The following TUT4 variants were observed in gnomAD, a reference collection of about 807,000 sequenced individuals.
The protein encoded by TUT4 is terminal uridylyltransferase 4.
TUT4 carries 36 observed loss-of-function variants against 192.2 expected under a neutral mutation model. The observed-to-expected ratio is 0.19, with a 90% CI of 0.14 to 0.25. The LOEUF (loss-of-function observed/expected upper bound fraction) is 0.25, where lower values mean the gene tolerates loss of function less well. TUT4 is among the 10% of genes least tolerant of loss of function. The pLI is 1.00. For synonymous variants in TUT4, 618 were observed against 666.0 expected (o/e 0.93, Z 1.11); for missense variants, 1,493 against 1,957.2 (o/e 0.76, Z 4.47).
At chr1:52,455,252 CTAGCGTGGACAA>C (rs1660547613) in intron 20 of TUT4, among the ~76,000 whole-genome samples, 2 of 152,024 alleles carry the variant, frequency 1.3e-5, no homozygotes, top group Non-Finnish European at 2.9e-5. Context: ...CCACTGTAAT[CTAGCGTGGACAA>C]CAGAGCAAGA....
intron 4 of TUT4, among the ~76,000 whole-genome samples, chr1:52,508,492 T>C (rs1255252029): frequency 6.6e-6 from 1 of 152,210 alleles, no homozygotes; most frequent in Non-Finnish European, 1.5e-5. Flanking sequence ...AAGAAAACTA[T>C]GTTGAGCACC....
intron 20 of TUT4, among the ~76,000 whole-genome samples, 172 bp from the exon 21 acceptor site, chr1:52,446,839 G>GT (rs890978643): frequency 2.0e-5 from 3 of 152,114 alleles, no homozygotes; most frequent in Non-Finnish European, 4.4e-5. Flanking sequence ...TGAATAAAAC[G>GT]TATCTGAAAG....
At chr1:52,509,181 C>T (rs181507863) in intron 4 of TUT4, among the ~76,000 whole-genome samples, 98 of 152,278 alleles carry the variant, frequency 6.4e-4, no homozygotes, top group Admixed American at 1.2e-3. Context: ...TATCTTCATA[C>T]ACCTCCTTAG....
intron 13 of TUT4, among the ~76,000 whole-genome samples, chr1:52,474,215 T>C (rs1398840045): frequency 6.6e-6 from 1 of 152,138 alleles, no homozygotes; most frequent in Non-Finnish European, 1.5e-5. Flanking sequence ...CTCAAAATAA[T>C]AGTAGTAATA....
At chr1:52,540,726 T>C (rs1187462198) in intron 1 of TUT4, among the ~76,000 whole-genome samples, 1 of 152,120 alleles carries the variant, frequency 6.6e-6, no homozygotes, top group Non-Finnish European at 1.5e-5. Context: ...GACTCCCAAT[T>C]TTTGGTCCAA....
At chr1:52,465,619 C>A in intron 15 of TUT4, among the ~76,000 whole-genome samples, 1 of 152,338 alleles carries the variant, frequency 6.6e-6, no homozygotes, top group East Asian at 1.9e-4. Flanking sequence ...TTTATACATT[C>A]TCAACATCAC....
chr1:52,532,881 G>A (rs189375233), intron 1 of TUT4, among the ~76,000 whole-genome samples: 3 of 152,276 alleles, frequency 2.0e-5, no homozygotes, highest in African/African-American at 7.2e-5. Flanking sequence ...TCTGCAGTCT[G>A]ATGTGGCCTT....
Position 52,431,415 on chromosome 1 carries a change from T to G in TUT4, c.4309A>C (p.Asn1437His). The change falls in exon 28 of 30, where the codon AAC becomes CAC. Residue 1437 changes from asparagine (N) to histidine (H), a missense_variant. Around this residue, in one of 7 missense-constraint regions of TUT4, gnomAD observed 351 missense variants for 397.8 expected, o/e 0.88. Coordinates refer to ENST00000257177, the MANE Select transcript of TUT4 (RefSeq NM_001009881.3). Reference sequence around the variant, plus strand: ...GTAATAGCAGCTGACTGGGAAGAGTTCTGTGGAAATGGCTGAGGCTGAGGA... The same window carrying G: ...GTAATAGCAGCTGACTGGGAAGAGTGCTGTGGAAATGGCTGAGGCTGAGGA... ...YSPQPQPFPQ[N>H]SSQSAAITQP... 6.2e-7 allele frequency: 1 copy of G among 1,613,912 alleles called. No individual in the cohort carries two copies. Among genetic ancestry groups the G allele is most frequent in the Non-Finnish European group, 8.5e-7 (1 of 1,179,880 alleles).
chr1:52,549,886 C>T (rs1030303507), intron 1 of TUT4, among the ~76,000 whole-genome samples: 3 of 152,156 alleles, frequency 2.0e-5, no homozygotes, highest in Non-Finnish European at 4.4e-5. Context: ...TCTCCCTCAA[C>T]TCATAATTAT....
chr1:52,431,127 A>G lies in TUT4; in HGVS notation c.4597T>C (p.Phe1533Leu), dbSNP rs1353280756. 1 of 1,614,218 alleles carries G rather than the reference A, an allele frequency of 6.2e-7. No individual in the cohort carries two copies. The highest frequency in any genetic ancestry group is 1.1e-5 in the South Asian group (1 of 91,088). Residue 1533 changes from phenylalanine to leucine, a missense_variant, in exon 28 of 30, where the codon TTT (phenylalanine) becomes CTT (leucine). Transcript: ENST00000257177. Reference protein sequence around the residue: ...NIGLNDPSIIFAQPAARPVAI... With the variant: ...NIGLNDPSIILAQPAARPVAI... Reference sequence around the variant, plus strand: ...ACAGGTCTGGCAGCAGGCTGTGCAAAGATGATGCTGGGATCATTTAGGCCA... The same window carrying G: ...ACAGGTCTGGCAGCAGGCTGTGCAAGGATGATGCTGGGATCATTTAGGCCA...
At chr1:52,426,426 A>G (rs907071270) in intron 28 of TUT4, among the ~76,000 whole-genome samples, 1 of 152,176 alleles carries the variant, frequency 6.6e-6, no homozygotes, top group Non-Finnish European at 1.5e-5. Flanking sequence ...CCCAGTTTAT[A>G]TTCTGGATCA....
intron 2 of TUT4, 50 bp downstream of exon 2, chr1:52,525,513 A>G: frequency 6.5e-7 from 1 of 1,543,756 alleles, no homozygotes; most frequent in Non-Finnish European, 8.7e-7. Flanking sequence ...TAAACCGGGG[A>G]TAATCTAAAG....
Position 52,436,978 on chromosome 1 carries a change from G to C in TUT4, c.3939C>G (p.Ser1313Arg), listed in dbSNP as rs1424839089. 6.2e-7 allele frequency: 1 copy of C among 1,613,028 alleles called. No individual in the cohort carries two copies. Among genetic ancestry groups the C allele is most frequent in the East Asian group, 2.2e-5 (1 of 44,870 alleles). Residue 1313 changes from serine to arginine, a missense_variant and splice_region_variant, in exon 26 of 30, where the codon AGC becomes AGG. Physicochemically the swap from Ser to Arg is moderately radical, Grantham distance 110 (BLOSUM62 -1). Transcript: ENST00000257177. ...TCTTCTTTAGTCTAAACAGTAAACT[G>C]CTGATACCAATAATGTGGGGCTAGG... is the stretch of plus-strand genomic sequence containing the variant. ...HYMKDCPKRK[S>R]SLLFRLKKKD...
At chr1:52,447,477 CAAAA>C (rs576050725) in intron 20 of TUT4, among the ~76,000 whole-genome samples, 2 of 113,360 alleles carry the variant, frequency 1.8e-5, no homozygotes, top group African/African-American at 7.5e-5. Context: ...AACAAAAAAA[CAAAA>C]AAAAAAAAGG....
intron 1 of TUT4, chr1:52,538,603 T>C (rs1204028321): frequency 7.6e-6 from 1 of 132,396 alleles, no homozygotes; most frequent in Non-Finnish European, 1.5e-5. Context: ...GCTGCAATCA[T>C]GCCACTGCAC....
At chr1:52,551,669 T>A (rs975539029) in intron 1 of TUT4, among the ~76,000 whole-genome samples, 1 of 151,052 alleles carries the variant, frequency 6.6e-6, no homozygotes, top group African/African-American at 2.5e-5. Context: ...AAAGAAAATT[T>A]CAGCGCGCTC....
intron 1 of TUT4, among the ~76,000 whole-genome samples, chr1:52,543,294 C>A (rs1019411483): frequency 6.6e-6 from 1 of 151,846 alleles, no homozygotes; most frequent in African/African-American, 2.4e-5. Context: ...TTTCTAAACA[C>A]AATAAATAAT....
At chr1:52,493,945 G>A (rs1227784162) in intron 6 of TUT4, among the ~76,000 whole-genome samples, 1 of 150,452 alleles carries the variant, frequency 6.6e-6, no homozygotes, top group East Asian at 1.9e-4. Context: ...GTAAGTGTGT[G>A]CCACCACATC....
intron 2 of TUT4, among the ~76,000 whole-genome samples, chr1:52,520,278 C>T (rs1041554009): frequency 2.6e-5 from 4 of 152,162 alleles, no homozygotes; most frequent in African/African-American, 9.7e-5. Context: ...CTAGCTTTTA[C>T]TCTGATGGAT....
Sources: allele counts gnomAD v4.1 joint callset (sites outside exome capture counted in the v4.1 genomes callset), GRCh38; gene constraint gnomAD v4.1.1; regional missense constraint gnomAD v4.1.1; transcripts MANE v1.5; gene names NCBI Gene and HGNC (gene_info 2026-07-23, HGNC 2026-07-21).